Variants in SIRPB1 observed in about 807,000 individuals in gnomAD.
SIRPB1 encodes signal-regulatory protein beta-1.
A neutral mutation model predicts 34.1 loss-of-function variants in SIRPB1; 28 were observed. That is an observed-to-expected ratio of 0.82 (90% confidence interval 0.61 to 1.12). The LOEUF (loss-of-function observed/expected upper bound fraction) is 1.12, where lower values mean the gene tolerates loss of function less well. Among genes scored for constraint, SIRPB1 ranks in the 50% most tolerant of loss-of-function variants. The pLI is 0.00. For missense variants in SIRPB1, 499 were observed against 507.0 expected (o/e 0.98, Z 0.15); for synonymous variants, 211 against 203.8 (o/e 1.04, Z -0.30).
rs1239072325 is a variant in SIRPB1, at chr20:1,590,432, A to C, written c.77-11738T>G. Reference sequence around the variant, plus strand: ...AATAGCAGCAGTTATCATTTATTGCAGAAGTCCTGTGCCCCAGATATGGTG... The same window carrying C: ...AATAGCAGCAGTTATCATTTATTGCCGAAGTCCTGTGCCCCAGATATGGTG... On this transcript the variant is annotated intron_variant, in intron 1 of 5. Transcript: ENST00000381605. Among the ~76,000 whole-genome samples, 2 of 49,628 alleles carry C rather than the reference A, an allele frequency of 4.0e-5. 1 individual carries two copies. Among genetic ancestry groups the C allele is most frequent in the Non-Finnish European group, 7.8e-5 (2 of 25,596 alleles). 32.6% of individuals were successfully genotyped at this position (49,628 alleles called of 152,430 possible).
chr20:1,565,606 TG>T (rs2091117480), intron 5 of SIRPB1, 109 bp from the exon 6 acceptor site: 1 of 89,244 alleles, frequency 1.1e-5, no homozygotes, highest in South Asian at 4.5e-4. Context: ...TCCCTAGTGC[TG>T]GTCTCCTCTT....
In SIRPB1 at chr20:1,604,909, G is replaced by C. The variant is rs774879695; in HGVS notation, c.76+14960C>G. 3.3e-6 allele frequency: 2 copies of C among 610,114 alleles called. 1 individual carries two copies. The highest frequency in any genetic ancestry group is 5.9e-5 in the Admixed American group (2 of 33,900). 37.8% of individuals were successfully genotyped at this position (610,114 alleles called of 1,614,324 possible). A position where few individuals can be genotyped will look rare whatever the true frequency, so the allele number is the denominator to read the frequency against. On this transcript the variant is annotated intron_variant, in intron 1 of 5. Transcript: ENST00000381605. The stretch of plus-strand genomic sequence containing the variant: ...ACTGTCTCCTGCGGGGTCCACGTTG[G>C]TCTGGAAGTCTGAGAGCTCATTCCC...
chr20:1,619,924 C>T lies in SIRPB1; in HGVS notation c.21G>A (p.Trp7Ter), dbSNP rs370764725. The T allele has an allele frequency of 5.1e-5, 82 of 1,613,724 alleles. No homozygotes were observed. Among genetic ancestry groups the T allele is most frequent in the Non-Finnish European group, 6.4e-5 (76 of 1,179,838 alleles). The change falls in exon 1 of 6, where the codon TGG becomes TGA. Residue 7 changes from tryptophan to a stop codon, truncating the protein, a stop_gained. Transcript: ENST00000381605. LOFTEE classifies it high-confidence loss of function. MPVPAS[W>*]PHLPSPFLLM... ...GCAGGAAAGGACTAGGAAGGTGGGG[C>T]CAGGAGGCTGGCACGGGCATTCTGG...
chr20:1,572,108 G>A lies in SIRPB1; in HGVS notation c.434-71C>T, dbSNP rs984038559. The A allele has an allele frequency of 2.5e-6, 4 of 1,603,952 alleles. No individual in the cohort carries two copies. In the African/African-American group the frequency reaches 4.0e-5, roughly 16 times the overall value. On this transcript the variant is annotated intron_variant, in intron 2 of 5. Transcript: ENST00000381605. ...ATCACTGATGATAAGCGTTTGACAT[G>A]TTAAGAACCTTCTGAGACGTTAGTT...
At chr20:1,614,792 C>T (rs7360751) in intron 1 of SIRPB1, among the ~76,000 whole-genome samples, 1 of 151,986 alleles carries the variant, frequency 6.6e-6, no homozygotes, top group Non-Finnish European at 1.5e-5. Context: ...TGGAAAGTTC[C>T]TAGGGAATGC....
Position 1,590,765 on chromosome 20 carries a change from C to A in SIRPB1, c.77-12071G>T, listed in dbSNP as rs2091438866. Among the ~76,000 whole-genome samples, 2 of 49,312 alleles carry A rather than the reference C, an allele frequency of 4.1e-5. 1 individual carries two copies. Among genetic ancestry groups the A allele is most frequent in the Non-Finnish European group, 7.8e-5 (2 of 25,564 alleles). The allele number at this position is 49,312 out of a possible 152,430, so 32.4% of individuals were successfully genotyped here. On this transcript the variant is annotated intron_variant, in intron 1 of 5. Transcript: ENST00000381605. ...CAGTGAGGCTGTGGCAGGTGCCATG[C>A]TCCAGGAGGCCCTGATAACTCCATC...
chr20:1,614,141 C>T (rs533641761), intron 1 of SIRPB1, among the ~76,000 whole-genome samples: 67 of 152,280 alleles, frequency 4.4e-4, no homozygotes, highest in African/African-American at 1.5e-3. Flanking sequence ...GAATTCTATA[C>T]CTGGCAAAGT....
chr20:1,576,841 A>G (rs2091318912), intron 2 of SIRPB1, among the ~76,000 whole-genome samples: 1 of 148,544 alleles, frequency 6.7e-6, no homozygotes, highest in South Asian at 2.1e-4. Flanking sequence ...AAATATGAAA[A>G]CACACTATCC....
intron 1 of SIRPB1, among the ~76,000 whole-genome samples, chr20:1,616,209 CA>C (rs1322669560): frequency 2.0e-5 from 3 of 152,106 alleles, no homozygotes; most frequent in Non-Finnish European, 4.4e-5. Flanking sequence ...CAGAAATGGA[CA>C]AAACAATCCT....
rs1225230444 is a variant in SIRPB1, at chr20:1,571,132, G to C, written c.757C>G (p.Pro253Ala). 1 of 1,613,056 alleles carries C rather than the reference G, an allele frequency of 6.2e-7. No homozygotes were observed. Among genetic ancestry groups the C allele is most frequent in the African/African-American group, 1.3e-5 (1 of 74,930 alleles). ...ANLSEAIRVP[P>A]TLEVTQQPMR... Reference sequence around the variant, plus strand: ...GGCTGTTGAGTAACCTCCAAGGTGGGTGGAACTGAAACAGCACAGGGCAGA... The same window carrying C: ...GGCTGTTGAGTAACCTCCAAGGTGGCTGGAACTGAAACAGCACAGGGCAGA... Residue 253 changes from proline to alanine, a missense_variant, in exon 4 of 6, where the codon CCC becomes GCC. Coordinates refer to ENST00000381605, the MANE Select transcript of SIRPB1 (RefSeq NM_006065.5).
At position 1,565,400 on chromosome 20, in the gene SIRPB1, A is replaced by T. The variant is rs2091113643; in HGVS notation, c.*100T>A. On this transcript the variant is annotated 3_prime_UTR_variant, in exon 6 of 6. Coordinates refer to ENST00000381605, the MANE Select transcript of SIRPB1 (RefSeq NM_006065.5). ...TGTGGGCAGGCAGATGACCTGGGAG[A>T]GGAGGCGTTTGGAGCTGAGTGTGGG... 1 of 196,838 alleles carries T rather than the reference A, an allele frequency of 5.1e-6. No individual in the cohort carries two copies. Among genetic ancestry groups the T allele is most frequent in the East Asian group, 1.1e-4 (1 of 9,010 alleles). 12.2% of individuals were successfully genotyped at this position (196,838 alleles called of 1,614,324 possible).
intron 5 of SIRPB1, 94 bp downstream of exon 5, chr20:1,566,059 G>T: frequency 1.3e-6 from 1 of 751,692 alleles, no homozygotes; most frequent in South Asian, 1.7e-5. Context: ...AAACTCCACT[G>T]ACCCTGAAGC....
chr20:1,614,886 T>C (rs981975654), intron 1 of SIRPB1, among the ~76,000 whole-genome samples: 37 of 152,192 alleles, frequency 2.4e-4, no homozygotes, highest in Non-Finnish European at 3.7e-4. Context: ...TTTCTTGTGC[T>C]ATGCTATGTA....
Position 1,572,035 on chromosome 20 carries a change from T to C in SIRPB1, c.436A>G (p.Lys146Glu). 1.2e-6 allele frequency: 2 copies of C among 1,614,012 alleles called. No homozygotes were observed. The highest frequency in any genetic ancestry group is 1.7e-6 in the Non-Finnish European group (2 of 1,179,948). ...GAGTELSVRAKPSAPVVSGPA... is the reference protein window; with the variant it reads ...GAGTELSVRAEPSAPVVSGPA... ...CCCGATACCACGGGGGCAGAGGGTT[T>C]GGCTACAAAAGGACCATCGATAATC... Residue 146 changes from lysine to glutamate, a missense_variant and splice_region_variant, in exon 3 of 6, where the codon AAA becomes GAA. Transcript: ENST00000381605.
At chr20:1,572,518 T>A (rs1158298953) in intron 2 of SIRPB1, among the ~76,000 whole-genome samples, 2 of 150,672 alleles carry the variant, frequency 1.3e-5, no homozygotes, top group Non-Finnish European at 3.0e-5. Context: ...CAGCTCCTCA[T>A]CCGCAAAACA....
At position 1,571,945 on chromosome 20, in the gene SIRPB1, G is replaced by A. The variant is rs61733947; in HGVS notation, c.526C>T (p.Pro176Ser). 2,352 of 1,614,176 alleles carry A rather than the reference G, an allele frequency of 1.5e-3. 31 individuals carry two copies. The African/African-American group carries it at 0.028, about 19-fold the overall frequency. The change falls in exon 3 of 6, where the codon CCC becomes TCC. Residue 176 changes from proline (P) to serine (S), a missense_variant. Pro to Ser is a moderately conservative substitution (Grantham distance 74). Transcript: ENST00000381605. ...AACCATTTCAGGGTGATGTCTCTGG[G>A]AGAGAAGCCATGGGACTCGCAGGTG... ...SFTCESHGFS[P>S]RDITLKWFKN...
At position 1,588,833 on chromosome 20, in the gene SIRPB1, C is replaced by A; in HGVS notation, c.77-10139G>T. On this transcript the variant is annotated intron_variant, in intron 1 of 5. Coordinates refer to ENST00000381605, the MANE Select transcript of SIRPB1 (RefSeq NM_006065.5). ...GCTACAAAGCACAGAGTTACTCATA[C>A]TCCATTTTCAGGAGAATCAGACAGG... is the stretch of plus-strand genomic sequence containing the variant. 4 of 145,088 alleles carry A rather than the reference C, an allele frequency of 2.8e-5. 2 individuals carry two copies. The highest frequency in any genetic ancestry group is 4.6e-5 in the Non-Finnish European group (4 of 86,848). 9.0% of individuals were successfully genotyped at this position (145,088 alleles called of 1,614,324 possible).
chr20:1,613,242 T>C lies in SIRPB1; in HGVS notation c.76+6627A>G, dbSNP rs35631325. Among the ~76,000 whole-genome samples, 10 of 73,940 alleles carry C rather than the reference T, an allele frequency of 1.4e-4. 4 individuals are homozygous for C. 48.5% of individuals were successfully genotyped at this position (73,940 alleles called of 152,430 possible). ...TCTGGAGGCTCTGTTTTTTGCCTTT[T>C]CAAATTCTAGAGTTTTCTCACATTC... On this transcript the variant is annotated intron_variant, in intron 1 of 5. Transcript: ENST00000381605.
At position 1,566,154 on chromosome 20, in the gene SIRPB1, G is replaced by A. The variant is rs773177867; in HGVS notation, c.*1C>T. On this transcript the variant is annotated splice_region_variant and 3_prime_UTR_variant, in exon 5 of 6. Coordinates refer to ENST00000381605, the MANE Select transcript of SIRPB1 (RefSeq NM_006065.5). ...CAGTCCTCCCTCTCCTAAACTTACA[G>A]TCAGGCCTTCTGTTTCCAGCAGATG... 6.9e-5 allele frequency: 110 copies of A among 1,596,590 alleles called. 2 individuals carry two copies. The Middle Eastern group carries it at 8.3e-4, about 12-fold the overall frequency.
Sources: gnomAD v4.1 joint callset for allele counts (sites outside exome capture counted in the v4.1 genomes callset) on GRCh38, gnomAD v4.1.1 for gene constraint, MANE v1.5 for transcripts, NCBI Gene and HGNC (gene_info 2026-07-23, HGNC 2026-07-21) for gene names.